Variants in NPAS3 observed in about 807,000 individuals in gnomAD.
The protein encoded by NPAS3 is neuronal PAS domain protein 3.
NPAS3 carries 14 observed loss-of-function variants against 73.1 expected under a neutral mutation model. The observed-to-expected ratio is 0.19, with a 90% CI of 0.13 to 0.30. The LOEUF is 0.30. Ranked by LOEUF, NPAS3 falls within the 10% of genes least tolerant of loss-of-function variation. NPAS3 has a pLI of 1.00. For missense variants in NPAS3, 1,096 were observed against 1,250.0 expected (o/e 0.88, Z 1.86); for synonymous variants, 620 against 541.5 (o/e 1.14, Z -2.01).
At chr14:33,129,499 C>A (rs1439889508) in intron 2 of NPAS3, among the ~76,000 whole-genome samples, 1 of 152,130 alleles carries the variant, frequency 6.6e-6, no homozygotes, top group Non-Finnish European at 1.5e-5. Flanking sequence ...TTTATACTCA[C>A]TGAAACATTA....
intron 1 of NPAS3, among the ~76,000 whole-genome samples, chr14:33,014,670 G>A (rs1023860470): frequency 6.6e-6 from 1 of 152,064 alleles, no homozygotes; most frequent in African/African-American, 2.4e-5. Context: ...GCTTGTTTTA[G>A]GTACCTGGGT....
At chr14:33,489,109 T>C (rs1301867104) in intron 4 of NPAS3, among the ~76,000 whole-genome samples, 2 of 152,206 alleles carry the variant, frequency 1.3e-5, no homozygotes, top group Non-Finnish European at 2.9e-5. Context: ...TTTTCTTTGA[T>C]AGTTATCTGA....
chr14:33,730,281 G>A (rs944475951), intron 6 of NPAS3, among the ~76,000 whole-genome samples: 44 of 152,134 alleles, frequency 2.9e-4, no homozygotes, highest in African/African-American at 8.2e-4. Flanking sequence ...TTTGGAGTCC[G>A]ACAAACATTT....
intron 4 of NPAS3, among the ~76,000 whole-genome samples, chr14:33,429,378 T>G (rs2048688975): frequency 6.6e-6 from 1 of 152,104 alleles, no homozygotes; most frequent in Non-Finnish European, 1.5e-5. Context: ...TTCAGGAAGT[T>G]TAGATCAACT....
At chr14:33,660,401 G>GC (rs1180981903) in intron 5 of NPAS3, among the ~76,000 whole-genome samples, 1 of 152,196 alleles carries the variant, frequency 6.6e-6, no homozygotes, top group Non-Finnish European at 1.5e-5. Context: ...TAAAGAAAGA[G>GC]CTGCAGTTGA....
At chr14:33,024,170 G>A (rs199880535) in intron 1 of NPAS3, among the ~76,000 whole-genome samples, 497 of 139,570 alleles carry the variant, frequency 3.6e-3, no homozygotes, top group Admixed American at 4.4e-3. Context: ...GTGTGTGTGT[G>A]TATGTATATT....
rs2040634734 is a variant in NPAS3, at chr14:33,049,680, C to T, written c.51-6225C>T. ...CTACAAGATGAGATTTGGGTGGGGA[C>T]ACAGAGCCAAACAATATCAATGTCA... On this transcript the variant is annotated intron_variant, in intron 1 of 11. Coordinates refer to ENST00000356141, the Ensembl canonical transcript of NPAS3. Among the ~76,000 whole-genome samples, 4 of 152,140 alleles carry T rather than the reference C, an allele frequency of 2.6e-5. No homozygotes were observed. The South Asian group carries it at 8.3e-4, about 32-fold the overall frequency.
chr14:33,302,120 GATTAA>G (rs756185736), intron 3 of NPAS3, among the ~76,000 whole-genome samples: 2 of 152,162 alleles, frequency 1.3e-5, no homozygotes, highest in African/African-American at 2.4e-5. Flanking sequence ...GATGAATAAT[GATTAA>G]ATTAATGAAC....
chr14:33,769,536 A>T (rs2062574191), intron 7 of NPAS3, among the ~76,000 whole-genome samples: 1 of 152,146 alleles, frequency 6.6e-6, no homozygotes, highest in Non-Finnish European at 1.5e-5. Context: ...TCTCCTGCTG[A>T]CACCAATTGA....
intron 6 of NPAS3, among the ~76,000 whole-genome samples, chr14:33,706,212 G>C (rs2060652239): frequency 6.6e-6 from 1 of 152,156 alleles, no homozygotes; most frequent in Non-Finnish European, 1.5e-5. Context: ...CTAGTAGGGG[G>C]TTTCTGTATG....
chr14:33,147,780 A>AG (rs149352838), intron 2 of NPAS3, among the ~76,000 whole-genome samples: 4,777 of 148,164 alleles, frequency 0.032, 115 homozygotes, highest in African/African-American at 0.061. Context: ...TGGATTAAAA[A>AG]AAGTATGCAC....
intron 4 of NPAS3, among the ~76,000 whole-genome samples, chr14:33,429,616 T>C (rs929019276): frequency 3.3e-5 from 5 of 152,108 alleles, no homozygotes; most frequent in Non-Finnish European, 1.5e-5. Flanking sequence ...ATGTCATCCT[T>C]ATATGAGAAG....
chr14:33,113,766 C>T (rs1436438857), intron 2 of NPAS3, among the ~76,000 whole-genome samples: 1 of 152,144 alleles, frequency 6.6e-6, no homozygotes, highest in East Asian at 1.9e-4. Context: ...GGGAATGCTT[C>T]CAGTTTTTGC....
intron 3 of NPAS3, among the ~76,000 whole-genome samples, chr14:33,327,628 G>T (rs1272387721): frequency 6.6e-6 from 1 of 152,170 alleles, no homozygotes; most frequent in Non-Finnish European, 1.5e-5. Flanking sequence ...TAAGAAGAGA[G>T]ATATTATTTC....
At chr14:33,711,655 CT>C (rs1464392379) in intron 6 of NPAS3, among the ~76,000 whole-genome samples, 2 of 152,180 alleles carry the variant, frequency 1.3e-5, no homozygotes, top group Non-Finnish European at 2.9e-5. Context: ...AGAAATCCTA[CT>C]TTTCTTCTGC....
chr14:33,180,799 CAAGAAAAAA>C (rs1341222408), intron 2 of NPAS3, among the ~76,000 whole-genome samples: 8 of 69,348 alleles, frequency 1.2e-4, no homozygotes, highest in Non-Finnish European at 1.5e-4. Context: ...ACACTGTCTC[CAAGAAAAAA>C]AAAAAAAAAA....
chr14:33,049,730 A>G (rs188013592), intron 1 of NPAS3, among the ~76,000 whole-genome samples: 223 of 152,302 alleles, frequency 1.5e-3, no homozygotes, highest in Non-Finnish European at 2.8e-3. Flanking sequence ...GCAGAGCTCC[A>G]AGTTTGCATT....
rs1166511283 is a variant in NPAS3 at position 33,800,933 on chromosome 14, G to A, written c.2626G>A (p.Val876Met). 5 of 1,607,584 alleles carry A rather than the reference G, an allele frequency of 3.1e-6. No homozygotes were observed. Among genetic ancestry groups the A allele is most frequent in the East Asian group, 2.3e-5 (1 of 44,404 alleles). ...GCCCATGGAGATGCTCTACCACCACGTGCACCGGCTCAACATGTCAGGACC... is the reference window on the plus strand; with the variant it reads ...GCCCATGGAGATGCTCTACCACCACATGCACCGGCTCAACATGTCAGGACC... Residue 876 changes from valine (V) to methionine (M), a missense_variant, in exon 12 of 12, where the codon GTG becomes ATG. Coordinates refer to ENST00000356141, the Ensembl canonical transcript of NPAS3. The surrounding 1 kb of genome is among the most constrained non-coding windows in gnomAD (Gnocchi z 6.5).
chr14:33,599,458 CT>C (rs2057338315), intron 5 of NPAS3, among the ~76,000 whole-genome samples: 1 of 152,094 alleles, frequency 6.6e-6, no homozygotes, highest in African/African-American at 2.4e-5. Flanking sequence ...GGCATATAAA[CT>C]AATGATCTGG....
Sources: allele counts gnomAD v4.1 joint callset (sites outside exome capture counted in the v4.1 genomes callset), GRCh38; gene constraint gnomAD v4.1.1; non-coding constraint Gnocchi (gnomAD v3.1); transcripts MANE v1.5; gene names NCBI Gene and HGNC (gene_info 2026-07-23, HGNC 2026-07-21).